UVRAG: variants seen among roughly 807,000 people sequenced by gnomAD.
The protein encoded by UVRAG is UV radiation resistance associated.
Under a neutral mutation model 78.0 loss-of-function variants are expected in UVRAG, and 19 were observed. The ratio of observed to expected loss-of-function variants is 0.24; its 90% CI spans 0.17 to 0.36. The LOEUF (loss-of-function observed/expected upper bound fraction) is 0.36, where lower values mean the gene tolerates loss of function less well. UVRAG is among the 10% of genes least tolerant of loss of function. UVRAG has a pLI of 1.00. For synonymous variants in UVRAG, 323 were observed against 324.6 expected (o/e 1.00, Z 0.05); for missense variants, 740 against 853.8 (o/e 0.87, Z 1.66).
At chr11:76,032,061 C>T (rs372693977) in intron 12 of UVRAG, among the ~76,000 whole-genome samples, 25 of 152,118 alleles carry the variant, frequency 1.6e-4, no homozygotes, top group African/African-American at 6.0e-4. Flanking sequence ...TTATATCAAG[C>T]CAGAGAGTTT....
At position 76,090,344 on chromosome 11, in the gene UVRAG, T is replaced by C. The variant is rs539817258; in HGVS notation, c.1305+24556T>C. 2.0e-3 allele frequency among the ~76,000 whole-genome samples: 307 copies of C among 152,296 alleles called. 1 individual carries two copies. The highest frequency in any genetic ancestry group is 7.2e-3 in the African/African-American group (298 of 41,554). The stretch of plus-strand genomic sequence containing the variant: ...CATATTAGCCTACTACGCCTGCTTG[T>C]GCTTCCCCTTCATGAATATTCATAA... On this transcript the variant is annotated intron_variant, in intron 13 of 14. Transcript: ENST00000356136.
chr11:75,844,623 T>C (rs1198272772), intron 1 of UVRAG, among the ~76,000 whole-genome samples: 1 of 152,104 alleles, frequency 6.6e-6, no homozygotes, highest in African/African-American at 2.4e-5. Context: ...ATGAGTATGA[T>C]TGTGATACTA....
intron 1 of UVRAG, among the ~76,000 whole-genome samples, chr11:75,830,046 G>A (rs1484969955): frequency 6.6e-6 from 1 of 151,766 alleles, no homozygotes; most frequent in East Asian, 1.9e-4. Context: ...TGACATGTTT[G>A]CCAGGTTGGT....
chr11:75,834,384 G>T (rs561324115), intron 1 of UVRAG, among the ~76,000 whole-genome samples: 2 of 152,192 alleles, frequency 1.3e-5, no homozygotes, highest in African/African-American at 4.8e-5. Flanking sequence ...ATCACTTCTG[G>T]ATGTTCATTT....
At chr11:76,054,977 AAT>A (rs1950951589) in intron 12 of UVRAG, among the ~76,000 whole-genome samples, 1 of 152,182 alleles carries the variant, frequency 6.6e-6, no homozygotes, top group Admixed American at 6.5e-5. Flanking sequence ...CTTTTACTCT[AAT>A]TTCAAATGCT....
At chr11:76,063,235 A>G (rs1951126740) in intron 12 of UVRAG, among the ~76,000 whole-genome samples, 1 of 152,244 alleles carries the variant, frequency 6.6e-6, no homozygotes, top group South Asian at 2.1e-4. Flanking sequence ...AGGGAGACAC[A>G]CATGAACCAA....
At chr11:75,894,594 T>G (rs1247937198) in intron 5 of UVRAG, among the ~76,000 whole-genome samples, 1 of 151,898 alleles carries the variant, frequency 6.6e-6, no homozygotes, top group Non-Finnish European at 1.5e-5. Flanking sequence ...GTGTGTTGGC[T>G]CACACCTGTA....
At chr11:75,886,017 T>C (rs1263857394) in intron 4 of UVRAG, among the ~76,000 whole-genome samples, 1 of 152,278 alleles carries the variant, frequency 6.6e-6, no homozygotes, top group Admixed American at 6.5e-5. Flanking sequence ...TTAAAGTATA[T>C]ACCATTAACA....
At chr11:75,947,477 T>C (rs950366712) in intron 6 of UVRAG, among the ~76,000 whole-genome samples, 6 of 152,022 alleles carry the variant, frequency 3.9e-5, no homozygotes, top group African/African-American at 1.5e-4. Flanking sequence ...ATATTATGAA[T>C]AGAATCGTAG....
chr11:75,959,214 A>T (rs1234727008), intron 6 of UVRAG, among the ~76,000 whole-genome samples: 1 of 152,200 alleles, frequency 6.6e-6, no homozygotes, highest in African/African-American at 2.4e-5. Flanking sequence ...TGAAGCTTTG[A>T]AGCCAGGCAT....
chr11:76,009,440 A>T (rs1029927002), intron 11 of UVRAG, among the ~76,000 whole-genome samples: 1 of 152,292 alleles, frequency 6.6e-6, no homozygotes, highest in Admixed American at 6.5e-5. Flanking sequence ...CTACTCTGCA[A>T]ATATTCCAAA....
intron 1 of UVRAG, among the ~76,000 whole-genome samples, chr11:75,844,520 C>T (rs775779888): frequency 9.9e-5 from 15 of 152,116 alleles, no homozygotes; most frequent in Non-Finnish European, 1.8e-4. Flanking sequence ...CCACCGTGCC[C>T]GGCCTAAAGC....
intron 12 of UVRAG, among the ~76,000 whole-genome samples, chr11:76,042,321 T>C (rs1329232566): frequency 2.6e-5 from 4 of 152,234 alleles, no homozygotes; most frequent in African/African-American, 9.6e-5. Flanking sequence ...TATGGTTCAT[T>C]GTTTTTCATA....
intron 13 of UVRAG, among the ~76,000 whole-genome samples, chr11:76,066,289 G>T (rs1951183938): frequency 6.6e-6 from 1 of 152,088 alleles, no homozygotes; most frequent in African/African-American, 2.4e-5. Context: ...CATCACATCA[G>T]TTAGTATGCC....
At chr11:75,914,052 T>C (rs575010831) in intron 6 of UVRAG, 1 of 152,336 alleles carries the variant, frequency 6.6e-6, no homozygotes, top group East Asian at 1.9e-4. Flanking sequence ...ATCACGTGAC[T>C]ATTTATCAAC....
chr11:76,028,555 G>A (rs894562073), intron 12 of UVRAG, among the ~76,000 whole-genome samples: 2 of 152,124 alleles, frequency 1.3e-5, no homozygotes, highest in Non-Finnish European at 2.9e-5. Flanking sequence ...CTACTCCAGT[G>A]AACATACAAA....
intron 4 of UVRAG, among the ~76,000 whole-genome samples, chr11:75,882,844 A>G (rs181258232): frequency 6.6e-6 from 1 of 152,182 alleles, no homozygotes; most frequent in African/African-American, 2.4e-5. Context: ...TGCATATAAT[A>G]TATATGTTCT....
intron 13 of UVRAG, among the ~76,000 whole-genome samples, chr11:76,091,837 G>GTTTT (rs112183787): frequency 6.8e-6 from 1 of 146,532 alleles, no homozygotes; most frequent in African/African-American, 2.5e-5. Flanking sequence ...TTGTATATTT[G>GTTTT]TTTTTTTTTT....
intron 14 of UVRAG, among the ~76,000 whole-genome samples, chr11:76,117,810 G>A: frequency 6.6e-6 from 1 of 152,210 alleles, no homozygotes; most frequent in East Asian, 1.9e-4. Context: ...TCACCAATCA[G>A]GAAAGTCCCT....
Sources: allele counts gnomAD v4.1 joint callset (sites outside exome capture counted in the v4.1 genomes callset), GRCh38; gene constraint gnomAD v4.1.1; transcripts MANE v1.5; gene names NCBI Gene and HGNC (gene_info 2026-07-23, HGNC 2026-07-21).